Variants in DACH1 observed in about 807,000 individuals in gnomAD.
The protein encoded by DACH1 is dachshund homolog 1.
DACH1 carries 12 observed loss-of-function variants against 54.2 expected under a neutral mutation model. The observed-to-expected ratio is 0.22, with a 90% CI of 0.14 to 0.36. DACH1 has a LOEUF of 0.36. Ranked by LOEUF, DACH1 falls within the 10% of genes least tolerant of loss-of-function variation. DACH1 has a pLI of 1.00. For missense variants in DACH1, 805 were observed against 929.8 expected (o/e 0.87, Z 1.75); for synonymous variants, 386 against 366.2 (o/e 1.05, Z -0.62).
At chr13:71,669,584 T>G (rs1478897801) in intron 2 of DACH1, among the ~76,000 whole-genome samples, 1 of 152,048 alleles carries the variant, frequency 6.6e-6, no homozygotes, top group Non-Finnish European at 1.5e-5. Flanking sequence ...CCCCCATCAG[T>G]GGAAAAAATG....
At chr13:71,832,938 CAATT>C (rs547011551) in intron 1 of DACH1, among the ~76,000 whole-genome samples, 108 of 151,890 alleles carry the variant, frequency 7.1e-4, no homozygotes, top group African/African-American at 2.5e-3. Context: ...TGAGAGAAGA[CAATT>C]AAGTAAAACA....
At chr13:71,748,902 T>TTCTTTC (rs1566476918) in intron 1 of DACH1, among the ~76,000 whole-genome samples, 29 of 26,186 alleles carry the variant, frequency 1.1e-3, no homozygotes, top group Non-Finnish European at 2.1e-3. Context: ...TTCTTTCTCT[T>TTCTTTC]TCTTTCTTTC....
At chr13:71,481,906 CG>C (rs1477991737) in intron 7 of DACH1, among the ~76,000 whole-genome samples, 2 of 152,136 alleles carry the variant, frequency 1.3e-5, no homozygotes, top group Non-Finnish European at 2.9e-5. Flanking sequence ...CACGTGCAAA[CG>C]GTCACGTTAA....
chr13:71,835,582 T>C (rs753073730), intron 1 of DACH1, among the ~76,000 whole-genome samples: 4 of 152,072 alleles, frequency 2.6e-5, no homozygotes, highest in Non-Finnish European at 4.4e-5. Flanking sequence ...CCTTTATGTA[T>C]TGGTGAAAAA....
chr13:71,844,732 T>C (rs879137132), intron 1 of DACH1, among the ~76,000 whole-genome samples: 22 of 152,066 alleles, frequency 1.4e-4, no homozygotes, highest in Admixed American at 3.9e-4. Flanking sequence ...TGAAAAACTG[T>C]TACTACCCAC....
intron 10 of DACH1, among the ~76,000 whole-genome samples, chr13:71,469,537 GA>G (rs1566277865): frequency 6.6e-6 from 1 of 152,140 alleles, no homozygotes; most frequent in Non-Finnish European, 1.5e-5. Flanking sequence ...ACAAGATGTG[GA>G]AAGCAACTGG....
chr13:71,656,994 A>C (rs1426739890), intron 2 of DACH1, among the ~76,000 whole-genome samples: 2 of 138,486 alleles, frequency 1.4e-5, no homozygotes, highest in Non-Finnish European at 3.0e-5. Flanking sequence ...ATATGTGTAC[A>C]GGTATGTGTA....
intron 2 of DACH1, among the ~76,000 whole-genome samples, chr13:71,677,942 T>C (rs1566426570): frequency 6.6e-6 from 1 of 152,062 alleles, no homozygotes; most frequent in Non-Finnish European, 1.5e-5. Context: ...ATGGTCTAGA[T>C]CTCTTGACCT....
intron 10 of DACH1, among the ~76,000 whole-genome samples, chr13:71,447,978 T>A: frequency 6.6e-6 from 1 of 152,308 alleles, no homozygotes; most frequent in East Asian, 1.9e-4. Flanking sequence ...TATCACACAA[T>A]ATGCAAATAG....
intron 6 of DACH1, among the ~76,000 whole-genome samples, chr13:71,533,308 T>C (rs1008114866): frequency 6.6e-6 from 1 of 151,806 alleles, no homozygotes; most frequent in Non-Finnish European, 1.5e-5. Context: ...TTCAAGGAAA[T>C]AAAAAAGTTT....
chr13:71,534,816 C>T (rs185852863), intron 6 of DACH1, among the ~76,000 whole-genome samples: 15 of 151,670 alleles, frequency 9.9e-5, no homozygotes, highest in South Asian at 8.3e-4. Context: ...GATGATTGAA[C>T]GAAAAACAAG....
intron 1 of DACH1, among the ~76,000 whole-genome samples, chr13:71,706,923 A>T (rs1278264253): frequency 6.6e-6 from 1 of 152,206 alleles, no homozygotes; most frequent in Non-Finnish European, 1.5e-5. Flanking sequence ...GACCGTATTG[A>T]TAAACTATGA....
At chr13:71,807,437 A>AT (rs1555325533) in intron 1 of DACH1, among the ~76,000 whole-genome samples, 1 of 151,306 alleles carries the variant, frequency 6.6e-6, no homozygotes, top group African/African-American at 2.4e-5. Flanking sequence ...AAAAAAAAAA[A>AT]AAATCCTCAA....
chr13:71,786,050 T>C lies in DACH1; in HGVS notation c.848+79872A>G, dbSNP rs546048647. Among the ~76,000 whole-genome samples the C allele has an allele frequency of 7.9e-5, 12 of 152,178 alleles. No homozygotes were observed. The South Asian group carries it at 2.3e-3, about 29-fold the overall frequency. On this transcript the variant is annotated intron_variant, in intron 1 of 10. Coordinates refer to ENST00000613252, the MANE Select transcript of DACH1 (RefSeq NM_080759.6). ...ATAAAAGGAGGCTGCAAGAGAAACA[T>C]AGCTCTAACAATGGAAAAAGTTTAA...
chr13:71,861,658 A>C (rs1376102628), intron 1 of DACH1, among the ~76,000 whole-genome samples: 1 of 151,976 alleles, frequency 6.6e-6, no homozygotes, highest in Non-Finnish European at 1.5e-5. Flanking sequence ...AAAATGAGAC[A>C]TTAGGCGTTA....
intron 1 of DACH1, among the ~76,000 whole-genome samples, chr13:71,816,615 TAC>T (rs1407673316): frequency 2.3e-4 from 21 of 91,522 alleles, no homozygotes; most frequent in East Asian, 1.2e-3. Context: ...TGTATATATA[TAC>T]ACGTGTATAT....
intron 2 of DACH1, among the ~76,000 whole-genome samples, chr13:71,663,090 A>T (rs1161893230): frequency 6.6e-6 from 1 of 151,090 alleles, no homozygotes; most frequent in African/African-American, 2.4e-5. Flanking sequence ...CAACAAGAAG[A>T]TACTCTATTT....
chr13:71,537,229 A>G (rs1882863876), intron 6 of DACH1, among the ~76,000 whole-genome samples: 1 of 151,984 alleles, frequency 6.6e-6, no homozygotes, highest in Admixed American at 6.6e-5. Flanking sequence ...GCTCCACTGC[A>G]CCAGAACTTG....
chr13:71,475,057 G>C, intron 10 of DACH1, 84 bp downstream of exon 10: 1 of 1,238,188 alleles, frequency 8.1e-7, no homozygotes, highest in Non-Finnish European at 1.2e-6. Context: ...CCAGATGGTA[G>C]GCTACATGCT....
Sources: gnomAD v4.1 joint callset for allele counts (sites outside exome capture counted in the v4.1 genomes callset) on GRCh38, gnomAD v4.1.1 for gene constraint, MANE v1.5 for transcripts, NCBI Gene and HGNC (gene_info 2026-07-23, HGNC 2026-07-21) for gene names.